The following MPPED1 variants were observed in gnomAD, a reference collection of about 807,000 sequenced individuals.
MPPED1 encodes the protein metallophosphoesterase domain-containing protein 1.
A neutral mutation model predicts 36.2 loss-of-function variants in MPPED1; 16 were observed. The observed-to-expected ratio is 0.44, with a 90% CI of 0.30 to 0.67. The LOEUF is 0.67. MPPED1 is among the 30% of genes least tolerant of loss of function. The probability of loss-of-function intolerance (pLI) is 0.10; values close to 1 mark genes in which losing one functional copy is unlikely to be tolerated. For missense variants in MPPED1, 307 were observed against 453.4 expected, an observed-to-expected ratio of 0.68 and a Z score of 2.93; for synonymous variants, 199 against 191.3, an observed-to-expected ratio of 1.04 and a Z score of -0.33.
chr22:43,504,614 CGTT>C (rs1170484535), intron 6 of MPPED1, among the ~76,000 whole-genome samples: 1 of 148,744 alleles, frequency 6.7e-6, no homozygotes, highest in Non-Finnish European at 1.5e-5. Flanking sequence ...ATGTTGGTGA[CGTT>C]GATGGCACTA....
chr22:43,482,706 C>T (rs576831352), intron 4 of MPPED1, among the ~76,000 whole-genome samples: 29 of 152,326 alleles, frequency 1.9e-4, no homozygotes, highest in African/African-American at 6.0e-4. Context: ...CGTTTATGAC[C>T]GCCCAGGCTA....
chr22:43,493,485 C>T (rs754707819), intron 4 of MPPED1, among the ~76,000 whole-genome samples: 28 of 152,170 alleles, frequency 1.8e-4, no homozygotes, highest in Non-Finnish European at 3.1e-4. Context: ...CCACCCCTCC[C>T]CCAGCCTCCA....
At chr22:43,497,539 G>C (rs1215131122) in intron 4 of MPPED1, among the ~76,000 whole-genome samples, 4 of 152,066 alleles carry the variant, frequency 2.6e-5, no homozygotes, top group African/African-American at 9.7e-5. Flanking sequence ...GCAATTGGAA[G>C]GATCTAGGTG....
intron 5 of MPPED1, among the ~76,000 whole-genome samples, chr22:43,500,272 A>G (rs1416405992): frequency 8.5e-4 from 7 of 8,256 alleles, no homozygotes; most frequent in East Asian, 2.8e-3. Context: ...ATGGTGATGG[A>G]GGTGGCGGTG....
At chr22:43,468,412 G>A (rs183086285) in intron 3 of MPPED1, among the ~76,000 whole-genome samples, 38 of 152,246 alleles carry the variant, frequency 2.5e-4, no homozygotes, top group Non-Finnish European at 4.4e-4. Flanking sequence ...GGGTTTGACC[G>A]GTGCCACAAG....
At chr22:43,447,884 T>TATATATATATA (rs1491157280) in intron 3 of MPPED1, among the ~76,000 whole-genome samples, 1,285 of 45,920 alleles carry the variant, frequency 0.028, 14 homozygotes, top group Middle Eastern at 0.034. Context: ...TATATATATA[T>TATATATATATA]TTTTTTTTTT....
intron 3 of MPPED1, among the ~76,000 whole-genome samples, chr22:43,447,883 A>ATATATATATATATATAT (rs1321289636): frequency 4.3e-4 from 29 of 67,698 alleles, no homozygotes; most frequent in Middle Eastern, 9.4e-3. Context: ...ATATATATAT[A>ATATATATATATATATAT]TTTTTTTTTT....
At chr22:43,432,559 A>G (rs1929754973) in intron 2 of MPPED1, among the ~76,000 whole-genome samples, 1 of 119,922 alleles carries the variant, frequency 8.3e-6, no homozygotes, top group Non-Finnish European at 1.7e-5. Context: ...AAGGGAGGAG[A>G]GAGAGAGAAA....
At chr22:43,446,952 A>C (rs749269397) in intron 3 of MPPED1, among the ~76,000 whole-genome samples, 2 of 152,198 alleles carry the variant, frequency 1.3e-5, no homozygotes, top group Admixed American at 6.5e-5. Flanking sequence ...GACAGGGGGA[A>C]GTGGTAGCCG....
rs116686217 is a variant in MPPED1 at position 43,484,791 on chromosome 22, T to C, written c.632+9830T>C. ...CGCCTGAGCCTCTCAGGGAAACGGC[T>C]GCTTGAGGGGCTTGGGAGCCAGCTG... On this transcript the variant is annotated intron_variant, in intron 4 of 6. Coordinates refer to ENST00000443721, the MANE Select transcript of MPPED1 (RefSeq NM_001044370.2). 2.3e-3 allele frequency among the ~76,000 whole-genome samples: 343 copies of C among 152,240 alleles called. 1 individual carries two copies. Among genetic ancestry groups the C allele is most frequent in the African/African-American group, 7.9e-3 (329 of 41,532 alleles).
At chr22:43,412,710 C>G (rs942868741) in intron 1 of MPPED1, among the ~76,000 whole-genome samples, 5 of 152,170 alleles carry the variant, frequency 3.3e-5, no homozygotes, top group African/African-American at 7.2e-5. Context: ...TCCACTCACT[C>G]AACACATATT....
At chr22:43,456,177 T>A (rs2105872) in intron 3 of MPPED1, among the ~76,000 whole-genome samples, 54,171 of 152,236 alleles carry the variant, frequency 0.36, 11,804 homozygotes, top group Non-Finnish European at 0.48. Context: ...TCAAGCATAA[T>A]GTTGAATAGA....
At chr22:43,461,861 T>C (rs1930968357) in intron 3 of MPPED1, among the ~76,000 whole-genome samples, 1 of 152,212 alleles carries the variant, frequency 6.6e-6, no homozygotes, top group African/African-American at 2.4e-5. Context: ...CCTCGATTTC[T>C]TCATCTGCCA....
chr22:43,425,682 C>T (rs192134069), intron 2 of MPPED1, among the ~76,000 whole-genome samples: 90 of 152,354 alleles, frequency 5.9e-4, no homozygotes, highest in African/African-American at 2.1e-3. Context: ...GGAAGGGGCT[C>T]GCCACAAGCC....
chr22:43,488,330 A>T (rs1315158528), intron 4 of MPPED1, among the ~76,000 whole-genome samples: 2 of 152,100 alleles, frequency 1.3e-5, no homozygotes, highest in African/African-American at 4.8e-5. Context: ...ACTCCTGGGG[A>T]CACGACCTAC....
chr22:43,423,509 G>A (rs1253737679), intron 1 of MPPED1, among the ~76,000 whole-genome samples: 1 of 152,212 alleles, frequency 6.6e-6, no homozygotes, highest in South Asian at 2.1e-4. Flanking sequence ...GTGGAGAAGA[G>A]GGATATGTTT....
chr22:43,479,845 TTGGGAGAA>T (rs1931695232), intron 4 of MPPED1, among the ~76,000 whole-genome samples: 1 of 152,178 alleles, frequency 6.6e-6, no homozygotes, highest in Non-Finnish European at 1.5e-5. Context: ...GATACTCTGC[TTGGGAGAA>T]TGGTAGGTCA....
At chr22:43,504,997 G>A (rs951001474) in intron 6 of MPPED1, among the ~76,000 whole-genome samples, 1 of 152,090 alleles carries the variant, frequency 6.6e-6, no homozygotes, top group Non-Finnish European at 1.5e-5. Flanking sequence ...TGATGACGGT[G>A]ATGGTAATGG....
chr22:43,482,749 C>T (rs989762197), intron 4 of MPPED1, among the ~76,000 whole-genome samples: 2 of 152,322 alleles, frequency 1.3e-5, no homozygotes, highest in Non-Finnish European at 2.9e-5. Flanking sequence ...GTTTCTCTAC[C>T]GCCCACAGCC....
Sources: gnomAD v4.1 joint callset for allele counts (sites outside exome capture counted in the v4.1 genomes callset) on GRCh38, gnomAD v4.1.1 for gene constraint, MANE v1.5 for transcripts, NCBI Gene and HGNC (gene_info 2026-07-23, HGNC 2026-07-21) for gene names.